Variants in FREM3 observed in about 807,000 individuals in gnomAD.
The protein encoded by FREM3 is FRAS1 related extracellular matrix 3.
FREM3 carries 105 observed loss-of-function variants against 129.1 expected under a neutral mutation model. The observed-to-expected ratio is 0.81, with a 90% CI of 0.69 to 0.96. The LOEUF is 0.96. Ranked by LOEUF, FREM3 falls within the 40% of genes least tolerant of loss-of-function variation. The pLI, the probability that FREM3 is intolerant of heterozygous loss-of-function variation, is 0.00. For synonymous variants in FREM3, 1,014 were observed against 1,044.9 expected (o/e 0.97, Z 0.57); for missense variants, 2,593 against 2,666.3 (o/e 0.97, Z 0.61).
intron 2 of FREM3, among the ~76,000 whole-genome samples, chr4:143,652,312 G>A (rs1184962644): frequency 3.2e-5 from 3 of 95,100 alleles, no homozygotes; most frequent in African/African-American, 9.7e-5. Flanking sequence ...ACAGGCGCCC[G>A]CCACCGCGCC....
intron 6 of FREM3, among the ~76,000 whole-genome samples, chr4:143,591,784 C>G (rs1323229189): frequency 2.0e-5 from 3 of 152,048 alleles, no homozygotes; most frequent in Non-Finnish European, 4.4e-5. Context: ...AGTTCAATTC[C>G]TGGATATCTT....
chr4:143,670,307 A>G (rs1190148816), intron 2 of FREM3, among the ~76,000 whole-genome samples: 4 of 152,214 alleles, frequency 2.6e-5, no homozygotes, highest in African/African-American at 7.2e-5. Flanking sequence ...AATAGGAAAG[A>G]TACATGCTAA....
intron 5 of FREM3, 132 bp from the exon 6 acceptor site, chr4:143,611,659 C>T (rs961093082): frequency 1.6e-5 from 12 of 762,052 alleles, no homozygotes; most frequent in Admixed American, 8.5e-5. Flanking sequence ...CTCTTATGCT[C>T]ACAAATAGTA....
intron 2 of FREM3, among the ~76,000 whole-genome samples, chr4:143,639,428 G>T (rs1739284266): frequency 1.3e-5 from 2 of 152,030 alleles, no homozygotes; most frequent in Non-Finnish European, 2.9e-5. Context: ...TACTTCGCAG[G>T]GCATCGTTTC....
At chr4:143,645,967 T>TA (rs1394810906) in intron 2 of FREM3, among the ~76,000 whole-genome samples, 53 of 152,338 alleles carry the variant, frequency 3.5e-4, no homozygotes, top group Admixed American at 3.3e-3. Context: ...TTTAATTCAG[T>TA]AAGGAGCATT....
At chr4:143,626,678 C>A (rs1053943682) in intron 3 of FREM3, among the ~76,000 whole-genome samples, 1 of 152,076 alleles carries the variant, frequency 6.6e-6, no homozygotes, top group African/African-American at 2.4e-5. Flanking sequence ...GAGGGCCACC[C>A]AGAAGTCAGG....
chr4:143,628,680 A>C (rs1739088337), intron 2 of FREM3, among the ~76,000 whole-genome samples: 1 of 152,196 alleles, frequency 6.6e-6, no homozygotes, highest in African/African-American at 2.4e-5. Flanking sequence ...GAATTTGTGA[A>C]GAGAGTACTT....
chr4:143,584,533 C>T (rs1054365780), intron 7 of FREM3, among the ~76,000 whole-genome samples: 1 of 151,538 alleles, frequency 6.6e-6, no homozygotes, highest in Non-Finnish European at 1.5e-5. Context: ...AAGACAAAGA[C>T]AGGCATTATA....
rs1415964086 is a variant in FREM3, at chr4:143,577,796, T to C, written c.6235A>G (p.Met2079Val). 5 of 1,537,188 alleles carry C rather than the reference T, an allele frequency of 3.3e-6. No homozygotes were observed. The highest frequency in any genetic ancestry group is 2.7e-5 in the African/African-American group (2 of 73,066). ...RNLDFAPGVR[M>V]QTFQVTILDD... The stretch of plus-strand genomic sequence containing the variant: ...AGGATGGTCACTTGGAATGTCTGCA[T>C]GCGCACGCCTGGAGCAAAGTCCAGG... Residue 2079 changes from methionine to valine, a missense_variant, in exon 8 of 8, where the codon ATG (methionine) becomes GTG (valine). Around this residue, in one of 2 missense-constraint regions of FREM3, gnomAD observed 317 missense variants for 399.0 expected, o/e 0.79. Transcript: ENST00000329798.
chr4:143,587,413 C>T (rs1738261296), intron 6 of FREM3, among the ~76,000 whole-genome samples: 1 of 152,158 alleles, frequency 6.6e-6, no homozygotes, highest in Non-Finnish European at 1.5e-5. Context: ...AGGTGGCCTG[C>T]ACTCAGAAAA....
intron 2 of FREM3, among the ~76,000 whole-genome samples, chr4:143,644,919 C>T (rs968385643): frequency 2.6e-5 from 4 of 152,264 alleles, no homozygotes; most frequent in Admixed American, 6.5e-5. Flanking sequence ...TGCACCATTT[C>T]CCCTCAAATC....
chr4:143,640,657 T>A (rs964681373), intron 2 of FREM3, among the ~76,000 whole-genome samples: 2 of 152,066 alleles, frequency 1.3e-5, no homozygotes, highest in African/African-American at 2.4e-5. Flanking sequence ...GCAACAAGAG[T>A]AAAACTTCAT....
intron 6 of FREM3, among the ~76,000 whole-genome samples, chr4:143,605,152 C>A (rs560841474): frequency 2.3e-4 from 35 of 152,104 alleles, no homozygotes; most frequent in African/African-American, 7.9e-4. Context: ...GGGTCATGTA[C>A]TGGATTTTGT....
intron 2 of FREM3, among the ~76,000 whole-genome samples, chr4:143,661,698 G>A (rs1010211579): frequency 2.0e-5 from 3 of 152,218 alleles, no homozygotes; most frequent in South Asian, 4.2e-4. Flanking sequence ...GGTAGAATTC[G>A]GCTGTGAATA....
intron 2 of FREM3, among the ~76,000 whole-genome samples, chr4:143,665,792 T>C (rs924672163): frequency 1.1e-4 from 16 of 152,290 alleles, no homozygotes; most frequent in Non-Finnish European, 2.1e-4. Context: ...AAATCAACCA[T>C]GTTTCAAGAA....
intron 7 of FREM3, among the ~76,000 whole-genome samples, chr4:143,578,211 A>G (rs1386664228): frequency 1.3e-5 from 2 of 152,244 alleles, no homozygotes; most frequent in African/African-American, 4.8e-5. Flanking sequence ...CTTGAAGATA[A>G]ATGTAATACA....
At chr4:143,664,057 G>C (rs937082759) in intron 2 of FREM3, among the ~76,000 whole-genome samples, 11 of 152,120 alleles carry the variant, frequency 7.2e-5, no homozygotes, top group Admixed American at 3.3e-4. Context: ...GGAGTAGTTT[G>C]ATCGTCTGAA....
At chr4:143,662,283 G>T (rs939572977) in intron 2 of FREM3, among the ~76,000 whole-genome samples, 2 of 152,090 alleles carry the variant, frequency 1.3e-5, no homozygotes, top group African/African-American at 2.4e-5. Flanking sequence ...ATTCTGGTAT[G>T]TTGTGTCTTT....
Position 143,695,689 on chromosome 4 carries a change from TA to T in FREM3, c.4986del (p.Thr1663LeufsTer9). ...IRSLDNRLPQ[I>X]TTNRGAPALK... Reference sequence around the variant, plus strand: ...AAGGCTGGGGCACCCCTGTTGGTAGTAATCTGGGGAAGCCTATTGTCTAATG... The same window carrying T: ...AAGGCTGGGGCACCCCTGTTGGTAGTATCTGGGGAAGCCTATTGTCTAATG... On this transcript the variant is annotated frameshift_variant, in exon 1 of 8. Transcript: ENST00000329798. LOFTEE classifies it high-confidence loss of function. The T allele has an allele frequency of 6.5e-7, 1 of 1,537,212 alleles. No individual in the cohort carries two copies.
Sources: allele counts gnomAD v4.1 joint callset (sites outside exome capture counted in the v4.1 genomes callset), GRCh38; gene constraint gnomAD v4.1.1; regional missense constraint gnomAD v4.1.1; transcripts MANE v1.5; gene names NCBI Gene and HGNC (gene_info 2026-07-23, HGNC 2026-07-21).